NAV3: variants seen among roughly 807,000 people sequenced by gnomAD.
NAV3 encodes the protein neuron navigator 3.
NAV3 carries 87 observed loss-of-function variants against 244.7 expected under a neutral mutation model. That is an observed-to-expected ratio of 0.36 (90% CI 0.30 to 0.42). NAV3 has a LOEUF of 0.42. Among genes scored for constraint, NAV3 ranks in the 20% least tolerant of loss-of-function variants. The probability of loss-of-function intolerance (pLI) is 1.00; values close to 1 mark genes in which losing one functional copy is unlikely to be tolerated. For synonymous variants in NAV3, 1,126 were observed against 1,042.2 expected (o/e 1.08, Z -1.55); for missense variants, 2,663 against 2,893.3 (o/e 0.92, Z 1.83).
chr12:77,676,916 G>T (rs540678925), intron 2 of NAV3, among the ~76,000 whole-genome samples: 1 of 152,244 alleles, frequency 6.6e-6, no homozygotes, highest in Admixed American at 6.5e-5. Context: ...GGGGAAGTGA[G>T]CACAACATTC....
At chr12:77,657,833 A>T (rs1381722873) in intron 2 of NAV3, among the ~76,000 whole-genome samples, 1 of 152,216 alleles carries the variant, frequency 6.6e-6, no homozygotes, top group Non-Finnish European at 1.5e-5. Flanking sequence ...AATCCAGCAT[A>T]TAAACAGAAC....
chr12:77,973,792 C>CT (rs1893213021), intron 5 of NAV3, among the ~76,000 whole-genome samples: 2 of 151,928 alleles, frequency 1.3e-5, no homozygotes, highest in Non-Finnish European at 2.9e-5. Context: ...AATTTAAGCC[C>CT]TTGTGAACCT....
chr12:77,840,889 T>C (rs1327007270), intron 1 of NAV3, among the ~76,000 whole-genome samples: 4 of 152,244 alleles, frequency 2.6e-5, no homozygotes, highest in African/African-American at 7.2e-5. Context: ...AAAATCAATG[T>C]TATTCTTTAC....
At chr12:78,177,790 A>G in intron 28 of NAV3, 105 bp downstream of exon 28, 2 of 956,884 alleles carry the variant, frequency 2.1e-6, no homozygotes, top group South Asian at 1.6e-5. Flanking sequence ...TTCAACAATA[A>G]ATACCTTCTC....
At chr12:77,900,572 A>ATGTG (rs34452646) in intron 1 of NAV3, among the ~76,000 whole-genome samples, 1 of 151,122 alleles carries the variant, frequency 6.6e-6, no homozygotes, top group African/African-American at 2.4e-5. Flanking sequence ...GCACACGCGT[A>ATGTG]TGTGTGTGTG....
intron 1 of NAV3, among the ~76,000 whole-genome samples, chr12:77,856,100 C>G (rs947236210): frequency 2.0e-5 from 3 of 151,874 alleles, no homozygotes; most frequent in Admixed American, 2.0e-4. Context: ...TTTTAAGAAA[C>G]GTTCTTTATT....
At chr12:77,918,116 G>A (rs1887341578) in intron 1 of NAV3, among the ~76,000 whole-genome samples, 3 of 151,940 alleles carry the variant, frequency 2.0e-5, no homozygotes. Context: ...CAATATTTTG[G>A]CGTCTTTCCT....
At chr12:77,690,302 T>G (rs918467582) in intron 2 of NAV3, among the ~76,000 whole-genome samples, 1 of 151,780 alleles carries the variant, frequency 6.6e-6, no homozygotes, top group African/African-American at 2.4e-5. Flanking sequence ...CTTTGACAAA[T>G]GAGAGACTCC....
intron 12 of NAV3, among the ~76,000 whole-genome samples, chr12:78,078,970 T>C (rs1953209267): frequency 6.6e-6 from 1 of 152,160 alleles, no homozygotes; most frequent in South Asian, 2.1e-4. Context: ...ATGTTGCTGG[T>C]TTTTAACCAC....
At chr12:77,691,460 T>C (rs1592587391) in intron 2 of NAV3, among the ~76,000 whole-genome samples, 1 of 149,994 alleles carries the variant, frequency 6.7e-6, no homozygotes, top group East Asian at 1.9e-4. Context: ...CAATCTTCTC[T>C]ATCATAAAAG....
At chr12:77,778,200 C>T (rs2135904123) in intron 2 of NAV3, among the ~76,000 whole-genome samples, 1 of 142,216 alleles carries the variant, frequency 7.0e-6, no homozygotes, top group South Asian at 2.4e-4. Context: ...CCTCTCCCCT[C>T]CTCTCCCCTC....
chr12:77,578,209 C>T (rs1023132323), intron 2 of NAV3, among the ~76,000 whole-genome samples: 1 of 152,198 alleles, frequency 6.6e-6, no homozygotes, highest in Non-Finnish European at 1.5e-5. Context: ...GCATCACTGT[C>T]ATCTGGGAGC....
chr12:77,604,954 A>T (rs565240633), intron 2 of NAV3, among the ~76,000 whole-genome samples: 2 of 152,104 alleles, frequency 1.3e-5, no homozygotes, highest in African/African-American at 2.4e-5. Flanking sequence ...TTTAGACTAC[A>T]TGTTGCCATT....
At chr12:78,005,761 T>A (rs1391839336) in intron 7 of NAV3, among the ~76,000 whole-genome samples, 1 of 152,206 alleles carries the variant, frequency 6.6e-6, no homozygotes, top group Non-Finnish European at 1.5e-5. Context: ...TTTCTACAAA[T>A]GGGAATTAGG....
chr12:78,040,696 G>C (rs1410147239), intron 9 of NAV3, among the ~76,000 whole-genome samples: 1 of 151,950 alleles, frequency 6.6e-6, no homozygotes, highest in African/African-American at 2.4e-5. Context: ...ATCTGTGTGA[G>C]GTCAATTACT....
chr12:77,653,758 A>G (rs563619573), intron 2 of NAV3, among the ~76,000 whole-genome samples: 1 of 152,300 alleles, frequency 6.6e-6, no homozygotes, highest in East Asian at 1.9e-4. Flanking sequence ...CTTTATATTT[A>G]TACATCAATG....
chr12:78,006,919 T>C lies in NAV3; in HGVS notation c.1381T>C (p.Ser461Pro), dbSNP rs1874332833. ...AGSKNLSNKK[S>P]LLQPKEKEEK... ...AAGCAAAAATCTCAGCAATAAAAAG[T>C]CTTTGCTACAGCCAAAGGAAAAAGA... Residue 461 changes from serine (S) to proline (P), a missense_variant, in exon 8 of 40, where the codon TCT becomes CCT. Physicochemically the swap from Ser to Pro is moderately conservative, Grantham distance 74 (BLOSUM62 -1). This residue lies in a region of NAV3 where 1,521 missense variants were observed against 1,497.0 expected (regional missense o/e 1.02). Transcript: ENST00000397909. 1.9e-6 allele frequency: 3 copies of C among 1,613,946 alleles called. No homozygotes were observed. Among genetic ancestry groups the C allele is most frequent in the Non-Finnish European group, 2.5e-6 (3 of 1,179,992 alleles).
intron 1 of NAV3, among the ~76,000 whole-genome samples, chr12:77,869,215 C>CTA (rs1232892421): frequency 3.3e-5 from 5 of 149,792 alleles, no homozygotes; most frequent in Non-Finnish European, 7.5e-5. Context: ...GATGAATTGC[C>CTA]TAACCTAAGC....
chr12:78,006,293 G>T (rs1022325455), intron 7 of NAV3, 126 bp from the exon 8 acceptor site: 1 of 838,782 alleles, frequency 1.2e-6, no homozygotes, highest in Non-Finnish European at 1.8e-6. Flanking sequence ...GATTGATGCT[G>T]CAGTCTCTTT....
Sources: allele counts gnomAD v4.1 joint callset (sites outside exome capture counted in the v4.1 genomes callset), GRCh38; gene constraint gnomAD v4.1.1; regional missense constraint gnomAD v4.1.1; transcripts MANE v1.5; gene names NCBI Gene and HGNC (gene_info 2026-07-23, HGNC 2026-07-21).